The following CC2D2A variants were observed in gnomAD, a reference collection of about 807,000 sequenced individuals.
The protein encoded by CC2D2A is coiled-coil and C2 domain containing 2A.
Under a neutral mutation model 212.9 loss-of-function variants are expected in CC2D2A, and 155 were observed. The observed-to-expected ratio is 0.73, with a 90% CI of 0.64 to 0.83. The LOEUF (loss-of-function observed/expected upper bound fraction) is 0.83, where lower values mean the gene tolerates loss of function less well. CC2D2A is among the 40% of genes least tolerant of loss of function. CC2D2A has a pLI of 0.00. For missense variants in CC2D2A, 1,856 were observed against 1,956.2 expected, an observed-to-expected ratio of 0.95 and a Z score of 0.97; for synonymous variants, 667 against 686.5, an observed-to-expected ratio of 0.97 and a Z score of 0.44.
Position 15,516,768 on chromosome 4 carries a change from C to G in CC2D2A, c.1149+12C>G. 6.2e-7 allele frequency: 1 copy of G among 1,606,444 alleles called. No individual in the cohort carries two copies. Among genetic ancestry groups the G allele is most frequent in the Non-Finnish European group, 8.5e-7 (1 of 1,175,964 alleles). ...CACTGTATAAAAAGGTAGACACTCC[C>G]CTCTCTCCACTTTTATTAAATGAAA... On this transcript the variant is annotated intron_variant, in intron 11 of 36. Transcript: ENST00000424120.
intron 17 of CC2D2A, among the ~76,000 whole-genome samples, chr4:15,541,537 G>A (rs1718446411): frequency 6.6e-6 from 1 of 152,028 alleles, no homozygotes; most frequent in Admixed American, 6.6e-5. Context: ...AATAACTCTG[G>A]CCACAGTGCT....
chr4:15,591,253 CTT>C (rs1721094037), intron 33 of CC2D2A, among the ~76,000 whole-genome samples: 1 of 128,446 alleles, frequency 7.8e-6, no homozygotes, highest in East Asian at 2.3e-4. Context: ...GACTTTCACT[CTT>C]GTTGCCCAGG....
chr4:15,563,015 C>T (rs1488984847), intron 23 of CC2D2A, among the ~76,000 whole-genome samples: 1 of 152,168 alleles, frequency 6.6e-6, no homozygotes, highest in Non-Finnish European at 1.5e-5. Context: ...GGGAGGCATT[C>T]CCTCTGCAGG....
At chr4:15,588,636 A>T (rs1206095224) in intron 32 of CC2D2A, among the ~76,000 whole-genome samples, 1 of 152,174 alleles carries the variant, frequency 6.6e-6, no homozygotes, top group Non-Finnish European at 1.5e-5. Context: ...GTAGTATCAT[A>T]TTCATATTCA....
At chr4:15,517,213 C>G (rs1716932125) in intron 11 of CC2D2A, among the ~76,000 whole-genome samples, 1 of 151,978 alleles carries the variant, frequency 6.6e-6, no homozygotes, top group Admixed American at 6.5e-5. Flanking sequence ...TCCCAAAGTG[C>G]TGGGATTACA....
At chr4:15,564,798 T>G (rs1442852431) in intron 24 of CC2D2A, among the ~76,000 whole-genome samples, 1 of 151,986 alleles carries the variant, frequency 6.6e-6, no homozygotes, top group Non-Finnish European at 1.5e-5. Context: ...CCATCTCAGC[T>G]TCCCAACTAG....
At chr4:15,526,716 A>ATGTC (rs1165908395) in intron 11 of CC2D2A, among the ~76,000 whole-genome samples, 1 of 152,210 alleles carries the variant, frequency 6.6e-6, no homozygotes, top group Admixed American at 6.5e-5. Context: ...AAAATCAAAG[A>ATGTC]TGTCTCCTCT....
chr4:15,513,411 T>C (rs1399926353), intron 8 of CC2D2A, among the ~76,000 whole-genome samples: 11 of 152,274 alleles, frequency 7.2e-5, no homozygotes, highest in Admixed American at 2.6e-4. Context: ...CTGTTGAAGA[T>C]AGAAGTCTCC....
chr4:15,580,637 CAAAA>C (rs58107216), intron 30 of CC2D2A, among the ~76,000 whole-genome samples: 41 of 89,402 alleles, frequency 4.6e-4, no homozygotes, highest in Middle Eastern at 0.013. Context: ...GACTCTGTCT[CAAAA>C]AAAAAAAAAA....
Position 15,574,180 on chromosome 4 carries a change from C to G in CC2D2A, c.3625C>G (p.Pro1209Ala). ...IDGTFKIDIP[P>A]VLLGYSKERN... is the part of the protein sequence containing the mutation. ...TGGAACATTTAAAATAGATATTCCC[C>G]CAGTTCTTCTGGGCTACAGTAAGGA... is the stretch of plus-strand genomic sequence containing the variant. Residue 1209 changes from proline (P) to alanine (A), a missense_variant, in exon 29 of 37, where the codon CCA (proline) becomes GCA (alanine). Pro to Ala is a conservative substitution (Grantham distance 27, BLOSUM62 -1). Coordinates refer to ENST00000424120, the MANE Select transcript of CC2D2A (RefSeq NM_001378615.1). 1 of 1,549,088 alleles carries G rather than the reference C, an allele frequency of 6.5e-7. No individual in the cohort carries two copies. The highest frequency in any genetic ancestry group is 8.7e-7 in the Non-Finnish European group (1 of 1,145,966).
Position 15,555,189 on chromosome 4 carries a change from C to G in CC2D2A, c.2604C>G (p.Ala868=), listed in dbSNP as rs763477348. The G allele has an allele frequency of 6.2e-7, 1 of 1,613,658 alleles. No homozygotes were observed. Among genetic ancestry groups the G allele is most frequent in the South Asian group, 1.1e-5 (1 of 91,014 alleles). The change falls in exon 20 of 37, where the codon GCC becomes GCG. Residue 868 remains alanine, a synonymous_variant. Coordinates refer to ENST00000424120, the MANE Select transcript of CC2D2A (RefSeq NM_001378615.1). The stretch of plus-strand genomic sequence containing the variant: ...TCGACCCAAATGACCCCAACAATGC[C>G]CCTTTGATGCAGCTTATCTCGGTAT... ...SKLDPNDPNN[A]PLMQLISVAT... is the part of the protein sequence containing the mutation.
chr4:15,492,775 C>G, intron 4 of CC2D2A: 1 of 715,104 alleles, frequency 1.4e-6, no homozygotes, highest in Non-Finnish European at 2.5e-6. Context: ...ATTGCTATAG[C>G]CAAATTCATT....
chr4:15,557,677 T>C (rs2109058470), intron 21 of CC2D2A, among the ~76,000 whole-genome samples, 170 bp downstream of exon 21: 1 of 152,324 alleles, frequency 6.6e-6, no homozygotes, highest in Non-Finnish European at 1.5e-5. Context: ...GAATTCACCA[T>C]TTAAATAATC....
intron 3 of CC2D2A, among the ~76,000 whole-genome samples, chr4:15,480,304 G>A (rs563379914): frequency 6.6e-6 from 1 of 152,216 alleles, no homozygotes; most frequent in East Asian, 1.9e-4. Context: ...GCTATTCTTG[G>A]GGGGTGTCCA....
At chr4:15,591,046 T>A (rs1374394453) in intron 33 of CC2D2A, among the ~76,000 whole-genome samples, 2 of 151,916 alleles carry the variant, frequency 1.3e-5, no homozygotes, top group Non-Finnish European at 2.9e-5. Context: ...AATGATTGTT[T>A]TTATGTGCTT....
At chr4:15,529,473 C>G (rs1717700790) in intron 13 of CC2D2A, among the ~76,000 whole-genome samples, 1 of 151,956 alleles carries the variant, frequency 6.6e-6, no homozygotes, top group African/African-American at 2.4e-5. Context: ...ATTTCTGTAC[C>G]ACAGTTAAAA....
chr4:15,483,717 C>T (rs1714831553), intron 4 of CC2D2A, among the ~76,000 whole-genome samples: 1 of 152,188 alleles, frequency 6.6e-6, no homozygotes, highest in African/African-American at 2.4e-5. Flanking sequence ...AATTGGGCTC[C>T]TTCCGGTTGT....
At chr4:15,558,780 T>C (rs1227412087) in intron 21 of CC2D2A, among the ~76,000 whole-genome samples, 1 of 152,136 alleles carries the variant, frequency 6.6e-6, no homozygotes, top group Non-Finnish European at 1.5e-5. Context: ...GCAGATGACC[T>C]GGCTCAGCTA....
chr4:15,470,679 CTCTCTCTCTCTATATATATATATA>C (rs1261417355), intron 1 of CC2D2A, among the ~76,000 whole-genome samples: 218 of 70,276 alleles, frequency 3.1e-3, no homozygotes, highest in Admixed American at 5.2e-3. Context: ...CTCTCTCTCT[CTCTCTCTCTCTATATATATATATA>C]TATATATATA....
Sources: gnomAD v4.1 joint callset for allele counts (sites outside exome capture counted in the v4.1 genomes callset) on GRCh38, gnomAD v4.1.1 for gene constraint, MANE v1.5 for transcripts, NCBI Gene and HGNC (gene_info 2026-07-23, HGNC 2026-07-21) for gene names.